The following TTC21B variants were observed in gnomAD, a reference collection of about 807,000 sequenced individuals.
TTC21B encodes the protein tetratricopeptide repeat domain 21B.
Under a neutral mutation model 175.1 loss-of-function variants are expected in TTC21B, and 127 were observed. The ratio of observed to expected loss-of-function variants is 0.73; its 90% confidence interval spans 0.63 to 0.84. The LOEUF (loss-of-function observed/expected upper bound fraction) is 0.84. Among genes scored for constraint, TTC21B ranks in the 40% least tolerant of loss-of-function variants. TTC21B has a pLI of 0.00. For synonymous variants in TTC21B, 524 were observed against 524.5 expected, an observed-to-expected ratio of 1.00 and a Z score of 0.01; for missense variants, 1,561 against 1,558.3, an observed-to-expected ratio of 1.00 and a Z score of -0.03.
chr2:165,918,231 C>T (rs1686251119), intron 13 of TTC21B, among the ~76,000 whole-genome samples: 1 of 152,160 alleles, frequency 6.6e-6, no homozygotes, highest in East Asian at 1.9e-4. Context: ...GGTGGGGCAC[C>T]AGCACTGAGG....
At chr2:165,890,762 A>G (rs1685160266) in intron 23 of TTC21B, 76 bp downstream of exon 23, 1 of 1,549,542 alleles carries the variant, frequency 6.5e-7, no homozygotes, top group Non-Finnish European at 8.8e-7. Context: ...TTTTTTTACT[A>G]CAAAGAAAAG....
intron 27 of TTC21B, among the ~76,000 whole-genome samples, chr2:165,878,566 A>G (rs1247205541): frequency 6.6e-6 from 1 of 151,808 alleles, no homozygotes; most frequent in Non-Finnish European, 1.5e-5. Context: ...GTGTATATAT[A>G]TTTATTTATA....
intron 13 of TTC21B, among the ~76,000 whole-genome samples, chr2:165,918,290 A>G (rs73020712): frequency 6.6e-6 from 1 of 152,108 alleles, no homozygotes; most frequent in African/African-American, 2.4e-5. Flanking sequence ...GAAGCAGGTG[A>G]TATTTTCTGC....
chr2:165,898,987 C>T (rs573339629), intron 21 of TTC21B, among the ~76,000 whole-genome samples: 1 of 152,296 alleles, frequency 6.6e-6, no homozygotes, highest in African/African-American at 2.4e-5. Context: ...GATTGCTCTG[C>T]TTGCAAAATT....
intron 13 of TTC21B, 131 bp from the exon 14 acceptor site, chr2:165,917,612 C>T: frequency 1.3e-6 from 1 of 773,202 alleles, no homozygotes; most frequent in Non-Finnish European, 2.2e-6. Context: ...AGGTCTATCT[C>T]TGCCCTCTTA....
At chr2:165,911,215 A>G (rs1685920570) in intron 18 of TTC21B, 112 bp downstream of exon 18, 28 of 1,364,610 alleles carry the variant, frequency 2.1e-5, no homozygotes, top group Non-Finnish European at 2.9e-5. Flanking sequence ...GCATGTATTT[A>G]TATAACCAAC....
chr2:165,895,025 C>T (rs1685317497), intron 22 of TTC21B, among the ~76,000 whole-genome samples: 1 of 152,032 alleles, frequency 6.6e-6, no homozygotes, highest in South Asian at 2.1e-4. Context: ...GTTGGTCATG[C>T]TACCCAGCAC....
chr2:165,933,396 C>G (rs1272417945), intron 6 of TTC21B, among the ~76,000 whole-genome samples: 1 of 152,002 alleles, frequency 6.6e-6, no homozygotes, highest in African/African-American at 2.4e-5. Context: ...TACAGGAATT[C>G]CGGGAATGCA....
intron 15 of TTC21B, among the ~76,000 whole-genome samples, chr2:165,914,510 A>G (rs1445573883): frequency 6.6e-6 from 1 of 152,100 alleles, no homozygotes; most frequent in Non-Finnish European, 1.5e-5. Context: ...CAGCTTTTTG[A>G]GTTTGATATA....
At chr2:165,920,924 A>C (rs1203016794) in intron 12 of TTC21B, among the ~76,000 whole-genome samples, 2 of 152,160 alleles carry the variant, frequency 1.3e-5, no homozygotes, top group African/African-American at 4.8e-5. Context: ...TGAAACTGAA[A>C]GACATTTCAG....
intron 12 of TTC21B, among the ~76,000 whole-genome samples, chr2:165,920,062 G>A (rs912476652): frequency 2.6e-5 from 4 of 152,144 alleles, no homozygotes; most frequent in Non-Finnish European, 5.9e-5. Flanking sequence ...AATTGACCTC[G>A]GGCTGATAGA....
chr2:165,934,935 T>G (rs1687070237), intron 6 of TTC21B: 1 of 152,218 alleles, frequency 6.6e-6, no homozygotes, highest in Non-Finnish European at 1.5e-5. Flanking sequence ...ATTCTCTCCT[T>G]ATTTGCTTGG....
At chr2:165,938,644 CA>C (rs1182588906) in intron 6 of TTC21B, among the ~76,000 whole-genome samples, 1 of 151,310 alleles carries the variant, frequency 6.6e-6, no homozygotes, top group East Asian at 1.9e-4. Flanking sequence ...TGCTACAGGA[CA>C]AAACACTGGT....
rs757160891 is a variant in TTC21B, at chr2:165,901,722, C to T, written c.2757G>A (p.Lys919=). ...TTTAAAATTTTATAAAGGTACTGAC[C>T]TTATTATCTGTTTCGCAGTGAACCA... ...EALVHCETDN[K]IMLELARLYL... is the part of the protein sequence containing the mutation. Residue 919 remains lysine, a splice_region_variant and synonymous_variant, in exon 20 of 29, where the codon AAG becomes AAA. Transcript: ENST00000243344. 6.2e-6 allele frequency: 10 copies of T among 1,613,396 alleles called. No individual in the cohort carries two copies. The highest frequency in any genetic ancestry group is 8.5e-6 in the Non-Finnish European group (10 of 1,179,434).
chr2:165,917,309 C>G lies in TTC21B; in HGVS notation c.1847G>C (p.Arg616Pro), dbSNP rs780307963. Residue 616 changes from arginine to proline, a missense_variant, in exon 14 of 29, where the codon CGT becomes CCT. Physicochemically the swap from Arg to Pro is moderately radical, Grantham distance 103. Transcript: ENST00000243344. The part of the protein sequence containing the change: ...DRKTEVDTSH[R>P]LSIFLELIDV... ...TATCAATTCAAGAAAGATCGATAAA[C>G]GATGGCTTGTATCAACTTCAGTTTT... The G allele has an allele frequency of 1.2e-6, 2 of 1,614,062 alleles. No individual in the cohort carries two copies. The highest frequency in any genetic ancestry group is 4.5e-5 in the East Asian group (2 of 44,886).
intron 11 of TTC21B, among the ~76,000 whole-genome samples, chr2:165,928,174 G>T (rs1485233244): frequency 1.3e-5 from 2 of 152,092 alleles, no homozygotes; most frequent in Non-Finnish European, 1.5e-5. Flanking sequence ...GATGACAGAT[G>T]ACAATAAAGA....
intron 11 of TTC21B, 135 bp from the exon 12 acceptor site, chr2:165,924,813 G>T: frequency 1.1e-6 from 1 of 924,276 alleles, no homozygotes; most frequent in Non-Finnish European, 1.6e-6. Flanking sequence ...AACTTATTTT[G>T]TAATACCTTT....
intron 1 of TTC21B, 74 bp downstream of exon 1, chr2:165,953,611 G>GC: frequency 6.5e-7 from 1 of 1,536,586 alleles, no homozygotes; most frequent in Non-Finnish European, 8.7e-7. Context: ...CTCCCTCCGC[G>GC]CCCCCGGGCC....
intron 18 of TTC21B, 149 bp downstream of exon 18, chr2:165,911,178 G>T: frequency 1.1e-6 from 1 of 889,644 alleles, no homozygotes; most frequent in Non-Finnish European, 1.8e-6. Flanking sequence ...TTTTAGTAGA[G>T]TGGCATTCTG....
Sources: allele counts gnomAD v4.1 joint callset (sites outside exome capture counted in the v4.1 genomes callset), GRCh38; gene constraint gnomAD v4.1.1; transcripts MANE v1.5; gene names NCBI Gene and HGNC (gene_info 2026-07-23, HGNC 2026-07-21).